The following NARS1 variants were observed in gnomAD, a reference collection of about 807,000 sequenced individuals.
The protein encoded by NARS1 is asparagine--tRNA ligase, cytoplasmic.
A neutral mutation model predicts 79.2 loss-of-function variants in NARS1; 65 were observed. That is an observed-to-expected ratio of 0.82 (90% CI 0.67 to 1.01). NARS1 has a LOEUF of 1.01. Among genes scored for constraint, NARS1 ranks in the 50% least tolerant of loss-of-function variants. The pLI, the probability that NARS1 is intolerant of heterozygous loss-of-function variation, is 0.00. For synonymous variants in NARS1, 229 were observed against 238.8 expected (o/e 0.96, Z 0.38); for missense variants, 649 against 673.8 (o/e 0.96, Z 0.41).
At position 57,601,734 on chromosome 18, in the gene NARS1, C is replaced by T; in HGVS notation, c.1565G>A (p.Arg522Gln). The T allele has an allele frequency of 1.2e-6, 2 of 1,613,460 alleles. No homozygotes were observed. The highest frequency in any genetic ancestry group is 1.7e-6 in the Non-Finnish European group (2 of 1,179,440). ...PHGGYGLGLE[R>Q]FLTWILNRYH... Reference sequence around the variant, plus strand: ...CCTATTCAGAATCCACGTTAAGAATCGTTCCAAGCCCAAGCCATATCCTCC... The same window carrying T: ...CCTATTCAGAATCCACGTTAAGAATTGTTCCAAGCCCAAGCCATATCCTCC... The change falls in exon 14 of 14, where the codon CGA (arginine) becomes CAA (glutamine). Residue 522 changes from arginine to glutamine, a missense_variant. Physicochemically the swap from Arg to Gln is conservative, Grantham distance 43 (BLOSUM62 1). Transcript: ENST00000256854.
chr18:57,604,972 T>C (rs1252151123), intron 11 of NARS1, among the ~76,000 whole-genome samples: 1 of 152,130 alleles, frequency 6.6e-6, no homozygotes, highest in Non-Finnish European at 1.5e-5. Context: ...CCTGGGGCAC[T>C]AGGCTACCTT....
Position 57,607,192 on chromosome 18 carries a change from A to T in NARS1, c.943T>A (p.Phe315Ile). ...GCCCGGTATGACTGAGCAATACAAA[A>T]AACATCTCCCAGGGCTGGGAGGCAG... ...ETCLPALGDVFCIAQSYRAEQ... is the reference protein window; with the variant it reads ...ETCLPALGDVICIAQSYRAEQ... Residue 315 changes from phenylalanine (F) to isoleucine (I), a missense_variant, in exon 9 of 14, where the codon TTT becomes ATT. Coordinates refer to ENST00000256854, the MANE Select transcript of NARS1 (RefSeq NM_004539.4). 27 of 1,614,150 alleles carry T rather than the reference A, an allele frequency of 1.7e-5. No homozygotes were observed. The highest frequency in any genetic ancestry group is 2.3e-5 in the Non-Finnish European group (27 of 1,180,020).
At chr18:57,618,259 A>G (rs1455982245) in intron 2 of NARS1, among the ~76,000 whole-genome samples, 1 of 148,656 alleles carries the variant, frequency 6.7e-6, no homozygotes, top group African/African-American at 2.5e-5. Context: ...ACTGCACTCC[A>G]GCCTGGGCAA....
intron 11 of NARS1, among the ~76,000 whole-genome samples, chr18:57,603,716 A>C (rs780587617): frequency 6.6e-6 from 1 of 152,220 alleles, no homozygotes; most frequent in South Asian, 2.1e-4. Context: ...AAATGGAGGT[A>C]GCAATCACCT....
chr18:57,603,191 C>T (rs11875071), intron 11 of NARS1, among the ~76,000 whole-genome samples: 32,558 of 151,678 alleles, frequency 0.21, 4,298 homozygotes, highest in African/African-American at 0.37. Context: ...TCTCAAGCAC[C>T]ATGCTGTTTG....
At position 57,605,870 on chromosome 18, in the gene NARS1, T is replaced by C. The variant is rs146478883; in HGVS notation, c.1238A>G (p.Tyr413Cys). The C allele has an allele frequency of 3.7e-5, 59 of 1,601,322 alleles. No homozygotes were observed. In the African/African-American group the frequency reaches 6.7e-4, roughly 18 times the overall value. ...AGGGATACATACTTCTCCAAATTCA[T>C]AGAAAGTTCCATCTTCTTTCTTTAC... is the stretch of plus-strand genomic sequence containing the variant. ...HDVKKEDGTF[Y>C]EFGEDIPEAP... Residue 413 changes from tyrosine to cysteine, a missense_variant, in exon 11 of 14, where the codon TAT becomes TGT. Coordinates refer to ENST00000256854, the MANE Select transcript of NARS1 (RefSeq NM_004539.4).
At position 57,621,746 on chromosome 18, in the gene NARS1, G is replaced by A. The variant is rs1288607868; in HGVS notation, c.-29C>T. The A allele has an allele frequency of 6.2e-7, 1 of 1,613,910 alleles. No homozygotes were observed. Among genetic ancestry groups the A allele is most frequent in the Non-Finnish European group, 8.5e-7 (1 of 1,180,020 alleles). ...TGCAGTGGCCCTGGTCACCTCCAAG[G>A]ACACAGACTGCAACACCGACGCCGT... On this transcript the variant is annotated 5_prime_UTR_variant, in exon 1 of 14. Transcript: ENST00000256854.
In NARS1 at chr18:57,613,613, A is replaced by G; in HGVS notation, c.410T>C (p.Leu137Pro). The change falls in exon 5 of 14, where the codon CTG (leucine) becomes CCG (proline). Residue 137 changes from leucine to proline, a missense_variant. Coordinates refer to ENST00000256854, the MANE Select transcript of NARS1 (RefSeq NM_004539.4). Reference protein sequence around the residue: ...RVKVFGWVHRLRRQGKNLMFL... With the variant: ...RVKVFGWVHRPRRQGKNLMFL... ...GCTTTGCCATTTACCTTGCCTGCGC[A>G]GCCTGTGGACCCAGCCAAACACCTT... is the stretch of plus-strand genomic sequence containing the variant. The G allele has an allele frequency of 6.2e-7, 1 of 1,613,922 alleles. No individual in the cohort carries two copies.
At chr18:57,609,335 G>A in intron 7 of NARS1, 22 bp downstream of exon 7, 1 of 1,569,546 alleles carries the variant, frequency 6.4e-7, no homozygotes, top group Non-Finnish European at 8.8e-7. Flanking sequence ...CATTCACCCA[G>A]TGCGAAACTC....
intron 9 of NARS1, 83 bp from the exon 10 acceptor site, chr18:57,606,834 G>A: frequency 6.4e-7 from 1 of 1,558,940 alleles, no homozygotes; most frequent in Non-Finnish European, 8.7e-7. Flanking sequence ...TTGGGAAGCT[G>A]TCCATAAAAT....
intron 4 of NARS1, among the ~76,000 whole-genome samples, 158 bp downstream of exon 4, chr18:57,615,483 C>T (rs543814249): frequency 1.3e-5 from 2 of 152,108 alleles, no homozygotes; most frequent in African/African-American, 2.4e-5. Flanking sequence ...GCCTGGGCGA[C>T]AGAGCAAGAC....
chr18:57,616,424 G>GAA (rs1241959900), intron 2 of NARS1, among the ~76,000 whole-genome samples: 7 of 73,636 alleles, frequency 9.5e-5, no homozygotes, highest in Non-Finnish European at 8.6e-5. Context: ...TGTCTCAAGA[G>GAA]AAAAAAAAAA....
rs917704026 is a variant in NARS1 at position 57,607,793 on chromosome 18, CTTTAG to C, written c.580-133_580-129del. 7 of 719,712 alleles carry C rather than the reference CTTTAG, an allele frequency of 9.7e-6. No individual in the cohort carries two copies. In the African/African-American group the frequency reaches 1.1e-4, roughly 11 times the overall value. The allele number at this position is 719,712 out of a possible 1,614,324, so 44.6% of individuals were successfully genotyped here. The stretch of plus-strand genomic sequence containing the variant: ...TTTTTAAGAACCTCCTAATTCTCAG[CTTTAG>C]TTTAGTTTTATATTGATATTTTTAC... On this transcript the variant is annotated intron_variant, in intron 7 of 13. Transcript: ENST00000256854.
rs375159897 is a variant in NARS1, at chr18:57,601,724, C to T, written c.1575G>A (p.Thr525=). 478 of 1,613,316 alleles carry T rather than the reference C, an allele frequency of 3.0e-4. 1 individual carries two copies. Among genetic ancestry groups the T allele is most frequent in the Non-Finnish European group, 2.6e-4 (305 of 1,179,342 alleles). Residue 525 remains threonine, a synonymous_variant, in exon 14 of 14, where the codon ACG becomes ACA. Coordinates refer to ENST00000256854, the MANE Select transcript of NARS1 (RefSeq NM_004539.4). ...GYGLGLERFL[T]WILNRYHIRD... ...GGATGTGATACCTATTCAGAATCCA[C>T]GTTAAGAATCGTTCCAAGCCCAAGC...
chr18:57,611,760 TTA>T (rs974924730), intron 5 of NARS1, 53 bp from the exon 6 acceptor site: 536 of 975,998 alleles, frequency 5.5e-4, no homozygotes, highest in East Asian at 6.9e-4. Context: ...GCATTAAATT[TTA>T]TATATATATA....
intron 4 of NARS1, 49 bp downstream of exon 4, chr18:57,615,592 G>C (rs1291035171): frequency 7.8e-7 from 1 of 1,290,272 alleles, no homozygotes; most frequent in African/African-American, 1.5e-5. Context: ...CAGAAATAAT[G>C]ATCTGATGTA....
chr18:57,600,815 T>G lies in NARS1; in HGVS notation c.*837A>C, dbSNP rs1059645. The stretch of plus-strand genomic sequence containing the variant: ...GCACAGATTAGATCTAAGGACATGG[T>G]GGGGGCAACTCAAACAGCCACTCAC... On this transcript the variant is annotated 3_prime_UTR_variant, in exon 14 of 14. Transcript: ENST00000256854. 1 of 152,178 alleles carries G rather than the reference T, an allele frequency of 6.6e-6. No individual in the cohort carries two copies. Among genetic ancestry groups the G allele is most frequent in the Admixed American group, 6.5e-5 (1 of 15,274 alleles). The allele number at this position is 152,178 out of a possible 1,614,324, so 9.4% of individuals were successfully genotyped here. A position where few individuals can be genotyped will look rare whatever the true frequency, so the allele number is the denominator to read the frequency against.
chr18:57,621,805 G>C lies in NARS1; in HGVS notation c.-88C>G, dbSNP rs372792555. ...TCCAACGTGCACCGGCGGTTTCCGC[G>C]ATTCCGGCGTTGCATCAGAGAGCGT... is the stretch of plus-strand genomic sequence containing the variant. On this transcript the variant is annotated 5_prime_UTR_variant, in exon 1 of 14. It adds an upstream start codon to the 5' untranslated region. Coordinates refer to ENST00000256854, the MANE Select transcript of NARS1 (RefSeq NM_004539.4). 6.2e-7 allele frequency: 1 copy of C among 1,601,866 alleles called. No homozygotes were observed. Among genetic ancestry groups the C allele is most frequent in the Non-Finnish European group, 8.5e-7 (1 of 1,176,064 alleles).
chr18:57,614,319 G>A (rs553095148), intron 4 of NARS1, among the ~76,000 whole-genome samples: 31 of 152,150 alleles, frequency 2.0e-4, no homozygotes, highest in Admixed American at 7.2e-4. Flanking sequence ...TGGCCAACAC[G>A]GTGAAACCCC....
Sources: allele counts gnomAD v4.1 joint callset (sites outside exome capture counted in the v4.1 genomes callset), GRCh38; gene constraint gnomAD v4.1.1; transcripts MANE v1.5; gene names NCBI Gene and HGNC (gene_info 2026-07-23, HGNC 2026-07-21).